The following PLAC1 variants were observed in gnomAD, a reference collection of about 807,000 sequenced individuals.
PLAC1 encodes the protein placenta-specific protein 1.
For synonymous variants in PLAC1, 68 were observed against 62.1 expected (o/e 1.09, Z -0.44); for missense variants, 136 against 163.2 (o/e 0.83, Z 0.91).
At chrX:134,615,788 A>T in intron 1 of PLAC1, among the ~76,000 whole-genome samples, 1 of 111,084 alleles carries the variant, frequency 9.0e-6, no homozygotes, top group East Asian at 2.8e-4. Flanking sequence ...CATTCTTTTG[A>T]ATGTGGATAT....
intron 1 of PLAC1, among the ~76,000 whole-genome samples, chrX:134,603,344 T>C (rs1269183478): frequency 7.3e-5 from 4 of 54,434 alleles, no homozygotes; most frequent in African/African-American, 2.8e-4. Flanking sequence ...TTTTTTTTTT[T>C]TTTTCTTTTT....
intron 2 of PLAC1, among the ~76,000 whole-genome samples, chrX:134,588,293 TA>T (rs1263882472): frequency 0.015 from 76 of 5,089 alleles, no homozygotes; most frequent in Non-Finnish European, 0.039. Context: ...CTCTTTATTT[TA>T]TTTATTTATT....
chrX:134,739,912 T>C (rs1044537065), intron 1 of PLAC1, among the ~76,000 whole-genome samples: 2 of 112,455 alleles, frequency 1.8e-5, no homozygotes, highest in Admixed American at 9.4e-5. Flanking sequence ...AATGGAAATA[T>C]ATGCACATTT....
At chrX:134,588,606 A>G (rs2078018702) in intron 2 of PLAC1, among the ~76,000 whole-genome samples, 2 of 110,559 alleles carry the variant, frequency 1.8e-5, no homozygotes, top group South Asian at 7.7e-4. Flanking sequence ...TCACCAGAGC[A>G]CCATTGGCCA....
chrX:134,723,457 C>T (rs1232132638), intron 2 of PLAC1, among the ~76,000 whole-genome samples: 1 of 109,397 alleles, frequency 9.1e-6, no homozygotes, highest in Non-Finnish European at 1.9e-5. Context: ...TAGGCACGCA[C>T]CACCACACCT....
chrX:134,678,047 T>C (rs1397626967), intron 2 of PLAC1, among the ~76,000 whole-genome samples: 1 of 111,559 alleles, frequency 9.0e-6, no homozygotes, highest in Non-Finnish European at 1.9e-5. Context: ...ATGGAGACAG[T>C]GCCTCTCCCT....
intron 1 of PLAC1, among the ~76,000 whole-genome samples, chrX:134,626,447 T>C (rs192161944): frequency 8.9e-6 from 1 of 112,369 alleles, no homozygotes; most frequent in East Asian, 2.8e-4. Context: ...CCTAGTTCAT[T>C]TTGTGGAAAT....
chrX:134,601,146 G>T (rs2078087268), intron 2 of PLAC1, among the ~76,000 whole-genome samples: 1 of 109,886 alleles, frequency 9.1e-6, no homozygotes, highest in Admixed American at 9.7e-5. Context: ...CCCCACTTAA[G>T]TTAGACCATG....
intron 1 of PLAC1, among the ~76,000 whole-genome samples, chrX:134,650,153 A>G (rs1190387027): frequency 8.9e-6 from 1 of 112,334 alleles, no homozygotes; most frequent in Admixed American, 9.4e-5. Context: ...TTCTTTATAG[A>G]ATCTAAGCAT....
intron 1 of PLAC1, among the ~76,000 whole-genome samples, chrX:134,603,243 GT>G (rs1181295467): frequency 3.9e-5 from 2 of 51,013 alleles, no homozygotes; most frequent in African/African-American, 1.5e-4. Context: ...GAGAACTGTT[GT>G]TTTTTATTAT....
intron 2 of PLAC1, among the ~76,000 whole-genome samples, chrX:134,673,214 G>T (rs1440983030): frequency 9.3e-6 from 1 of 107,549 alleles, no homozygotes; most frequent in Non-Finnish European, 1.9e-5. Flanking sequence ...AAGAGGGAGG[G>T]AGGAGAAGGA....
intron 2 of PLAC1, among the ~76,000 whole-genome samples, chrX:134,696,169 G>A (rs1394140905): frequency 9.0e-6 from 1 of 111,586 alleles, no homozygotes; most frequent in East Asian, 2.8e-4. Flanking sequence ...CCTTTTCCTG[G>A]AGCCTGCACT....
chrX:134,572,007 A>G (rs1035147194), intron 2 of PLAC1, among the ~76,000 whole-genome samples: 12 of 112,130 alleles, frequency 1.1e-4, no homozygotes, highest in Non-Finnish European at 1.9e-4. Context: ...TGTCAAAACA[A>G]AAGGAAACAG....
intron 2 of PLAC1, among the ~76,000 whole-genome samples, chrX:134,704,588 A>G (rs1000781974): frequency 1.2e-4 from 13 of 106,572 alleles, no homozygotes; most frequent in Non-Finnish European, 2.1e-4. Context: ...GCATAACAGA[A>G]ATCACAATAA....
upstream of PLAC1, among the ~76,000 whole-genome samples, chrX:134,661,446 G>A (rs376085648): frequency 1.1e-4 from 12 of 111,511 alleles, no homozygotes; most frequent in African/African-American, 3.9e-4. Context: ...TCACAGCCCT[G>A]GGAGGAGCCT....
chrX:134,750,305 CCA>C (rs2078737880), intron 1 of PLAC1, among the ~76,000 whole-genome samples: 1 of 111,153 alleles, frequency 9.0e-6, no homozygotes, highest in African/African-American at 3.3e-5. Flanking sequence ...ATGCTGTCAA[CCA>C]CAGTTTGGTT....
In PLAC1 at chrX:134,580,751, A is replaced by G. The variant is rs376047183; in HGVS notation, c.-58-14011T>C. ...CACTGTTTCTATTTTATCACTCTCT[A>G]TATTTTGGACTTCTTGTCAGCACAC... On this transcript the variant is annotated intron_variant, in intron 2 of 2. Coordinates refer to ENST00000359237, the MANE Select transcript of PLAC1 (RefSeq NM_021796.4). Among the ~76,000 whole-genome samples, 158 of 112,130 alleles carry G rather than the reference A, an allele frequency of 1.4e-3. 3 individuals carry two copies. The South Asian group carries it at 0.055, about 39-fold the overall frequency.
Position 134,609,390 on chromosome X carries a change from T to C in PLAC1, c.-130-7268A>G, listed in dbSNP as rs73566621. On this transcript the variant is annotated intron_variant, in intron 1 of 2. Transcript: ENST00000359237. ...GTAAGCTACACGAAGGCAGGGATCATGTCTGCCTTGGTCACTGCTTAGAAG... is the reference window on the plus strand; with the variant it reads ...GTAAGCTACACGAAGGCAGGGATCACGTCTGCCTTGGTCACTGCTTAGAAG... Among the ~76,000 whole-genome samples, 1,060 of 112,383 alleles carry C rather than the reference T, an allele frequency of 9.4e-3. 15 individuals are homozygous for C. The highest frequency in any genetic ancestry group is 0.032 in the African/African-American group (992 of 30,953).
At chrX:134,697,944 T>C (rs2078570452) in intron 2 of PLAC1, among the ~76,000 whole-genome samples, 1 of 112,010 alleles carries the variant, frequency 8.9e-6, no homozygotes, top group South Asian at 3.7e-4. Flanking sequence ...TACACACATA[T>C]AATTTTACAC....
Sources: gnomAD v4.1 joint callset for allele counts (sites outside exome capture counted in the v4.1 genomes callset) on GRCh38, gnomAD v4.1.1 for gene constraint, MANE v1.5 for transcripts, NCBI Gene and HGNC (gene_info 2026-07-23, HGNC 2026-07-21) for gene names.